DDX4: variants seen among roughly 807,000 people sequenced by gnomAD.
DDX4 encodes the protein probable ATP-dependent RNA helicase DDX4.
DDX4 carries 25 observed loss-of-function variants against 100.0 expected under a neutral mutation model. The observed-to-expected ratio is 0.25, with a 90% confidence interval of 0.18 to 0.35. The LOEUF is 0.35. Ranked by LOEUF, DDX4 falls within the 10% of genes least tolerant of loss-of-function variation. The pLI is 1.00. For missense variants in DDX4, 635 were observed against 882.4 expected (o/e 0.72, Z 3.55); for synonymous variants, 259 against 275.7 (o/e 0.94, Z 0.60).
At chr5:55,806,151 C>T (rs1271979198) in intron 18 of DDX4, among the ~76,000 whole-genome samples, 1 of 152,150 alleles carries the variant, frequency 6.6e-6, no homozygotes, top group African/African-American at 2.4e-5. Context: ...GTTTGTATTT[C>T]TGTGGGATTG....
chr5:55,773,579 A>C (rs544367671), intron 7 of DDX4, among the ~76,000 whole-genome samples: 2 of 150,076 alleles, frequency 1.3e-5, no homozygotes, highest in African/African-American at 4.8e-5. Flanking sequence ...TGTTTTTTTA[A>C]TTATAGCCAT....
Position 55,785,468 on chromosome 5 carries a change from AAGG to A in DDX4, c.701_703del (p.Gly234del). ...CAAGATTCTTGGAAGTCAGAAGCAG[AAGG>A]AGGAGAAAGTAGTGATACTCAAGGT... is the stretch of plus-strand genomic sequence containing the variant. On this transcript the variant is annotated inframe_deletion, in exon 12 of 22. Transcript: ENST00000505374. 1.9e-6 allele frequency: 3 copies of A among 1,607,834 alleles called. No homozygotes were observed. The highest frequency in any genetic ancestry group is 2.6e-6 in the Non-Finnish European group (3 of 1,175,978).
chr5:55,743,091 A>G (rs1759068982), intron 2 of DDX4, among the ~76,000 whole-genome samples: 1 of 152,196 alleles, frequency 6.6e-6, no homozygotes, highest in South Asian at 2.1e-4. Flanking sequence ...ATTAACACAA[A>G]CTGGGTAACT....
At chr5:55,757,112 T>A (rs1199415158) in intron 3 of DDX4, among the ~76,000 whole-genome samples, 1 of 152,252 alleles carries the variant, frequency 6.6e-6, no homozygotes, top group Non-Finnish European at 1.5e-5. Flanking sequence ...CCATCATTTT[T>A]ATGTATTTTT....
chr5:55,797,813 A>G (rs1403283333), intron 17 of DDX4, among the ~76,000 whole-genome samples: 1 of 152,208 alleles, frequency 6.6e-6, no homozygotes, highest in Non-Finnish European at 1.5e-5. Context: ...CCTTTGGGGC[A>G]GGCACACCTA....
At chr5:55,772,423 T>C (rs1460062056) in intron 7 of DDX4, among the ~76,000 whole-genome samples, 1 of 152,180 alleles carries the variant, frequency 6.6e-6, no homozygotes, top group African/African-American at 2.4e-5. Context: ...ATTCCGTTGG[T>C]CAGTTTTTCT....
At chr5:55,791,368 T>C (rs1377903801) in intron 16 of DDX4, among the ~76,000 whole-genome samples, 1 of 152,222 alleles carries the variant, frequency 6.6e-6, no homozygotes, top group Non-Finnish European at 1.5e-5. Context: ...TATTTCTGCA[T>C]AAACACACCT....
chr5:55,765,941 A>G (rs1472212625), intron 6 of DDX4, among the ~76,000 whole-genome samples: 1 of 149,256 alleles, frequency 6.7e-6, no homozygotes, highest in Non-Finnish European at 1.5e-5. Context: ...AGTAGCTGGG[A>G]TTACAGGGGC....
chr5:55,776,574 A>G (rs1374500869), intron 7 of DDX4, among the ~76,000 whole-genome samples: 2 of 152,260 alleles, frequency 1.3e-5, no homozygotes, highest in African/African-American at 4.8e-5. Context: ...TATTCACAAC[A>G]GAATTTTCTT....
At chr5:55,759,547 C>T (rs990237350) in intron 3 of DDX4, among the ~76,000 whole-genome samples, 4 of 152,152 alleles carry the variant, frequency 2.6e-5, no homozygotes, top group South Asian at 4.1e-4. Flanking sequence ...TATAAACACT[C>T]TCCATTGTTG....
At chr5:55,799,508 C>T (rs557391625) in intron 18 of DDX4, among the ~76,000 whole-genome samples, 2 of 152,098 alleles carry the variant, frequency 1.3e-5, no homozygotes, top group African/African-American at 2.4e-5. Flanking sequence ...CCTGAGTAGC[C>T]GGGACTACAG....
chr5:55,789,188 A>G (rs1054422670), intron 15 of DDX4, among the ~76,000 whole-genome samples: 13 of 152,258 alleles, frequency 8.5e-5, no homozygotes, highest in Non-Finnish European at 1.5e-4. Flanking sequence ...CCTGCAGTCT[A>G]TCAGAAGTCC....
chr5:55,747,326 C>T (rs1044062638), intron 3 of DDX4, among the ~76,000 whole-genome samples: 2 of 152,128 alleles, frequency 1.3e-5, no homozygotes, highest in Admixed American at 6.6e-5. Flanking sequence ...TGCAGTAAGT[C>T]GAGATTACGC....
chr5:55,790,645 A>G lies in DDX4; in HGVS notation c.1242A>G (p.Gln414=). The G allele has an allele frequency of 1.9e-6, 3 of 1,606,792 alleles. No individual in the cohort carries two copies. The highest frequency in any genetic ancestry group is 2.6e-6 in the Non-Finnish European group (3 of 1,173,372). Residue 414 remains glutamine, a synonymous_variant, in exon 16 of 22, where the codon CAA becomes CAG. Coordinates refer to ENST00000505374, the MANE Select transcript of DDX4 (RefSeq NM_024415.3). ...QLGHSIRQIV[Q]GCNILCATPG... is the part of the protein sequence containing the mutation. ...GACATTCAATTCGACAAATAGTACAAGGCTGTAATATATTATGTGCTACTC... is the reference window on the plus strand; with the variant it reads ...GACATTCAATTCGACAAATAGTACAGGGCTGTAATATATTATGTGCTACTC...
At chr5:55,743,170 T>A (rs1759075383) in intron 2 of DDX4, among the ~76,000 whole-genome samples, 1 of 152,222 alleles carries the variant, frequency 6.6e-6, no homozygotes, top group Non-Finnish European at 1.5e-5. Context: ...TCAGCAGCGC[T>A]GCCCTCCCTC....
At chr5:55,810,148 A>C (rs557228278) in intron 18 of DDX4, among the ~76,000 whole-genome samples, 15 of 152,080 alleles carry the variant, frequency 9.9e-5, no homozygotes, top group African/African-American at 3.4e-4. Flanking sequence ...CTTGTCGCCC[A>C]GGCTAGAGTG....
chr5:55,746,224 A>G lies in DDX4; in HGVS notation c.127+3A>G. 2 of 1,610,180 alleles carry G rather than the reference A, an allele frequency of 1.2e-6. No individual in the cohort carries two copies. The highest frequency in any genetic ancestry group is 1.7e-6 in the Non-Finnish European group (2 of 1,178,540). On this transcript the variant is annotated splice_donor_region_variant and intron_variant, in intron 3 of 21. Transcript: ENST00000505374. Reference sequence around the variant, plus strand: ...CAGGACTCCAGCTTCATCATCAGGTATGTGTTATGGGAAAAAGGTAAAACC... The same window carrying G: ...CAGGACTCCAGCTTCATCATCAGGTGTGTGTTATGGGAAAAAGGTAAAACC...
intron 2 of DDX4, among the ~76,000 whole-genome samples, chr5:55,745,393 C>T (rs1759197521): frequency 6.6e-6 from 1 of 151,996 alleles, no homozygotes; most frequent in Non-Finnish European, 1.5e-5. Flanking sequence ...TATTACTTGT[C>T]AGATTTTATA....
intron 18 of DDX4, among the ~76,000 whole-genome samples, chr5:55,801,559 C>T (rs1394916092): frequency 6.6e-6 from 1 of 152,124 alleles, no homozygotes; most frequent in Non-Finnish European, 1.5e-5. Flanking sequence ...TTGCTTACTT[C>T]AAATTCTTCC....
Sources: allele counts gnomAD v4.1 joint callset (sites outside exome capture counted in the v4.1 genomes callset), GRCh38; gene constraint gnomAD v4.1.1; transcripts MANE v1.5; gene names NCBI Gene and HGNC (gene_info 2026-07-23, HGNC 2026-07-21).